The following PGCKA1 variants were observed in gnomAD, a reference collection of about 807,000 sequenced individuals.
PGCKA1 encodes the protein PDCD10 and GCKIII kinases associated 1, also known as PDCD10 and GCKIII kinases-associated protein 1.
chr4:37,469,716 AATCT>A, the PGCKA1 span, among the ~76,000 whole-genome samples: 1 of 152,192 alleles, frequency 6.6e-6, no homozygotes, highest in Non-Finnish European at 1.5e-5. Flanking sequence ...ACCAAGCAAT[AATCT>A]ATCGGACTTA....
chr4:37,576,447 T>A, the PGCKA1 span, among the ~76,000 whole-genome samples: 2 of 152,172 alleles, frequency 1.3e-5, no homozygotes, highest in Non-Finnish European at 2.9e-5. Flanking sequence ...GTGACTTTAC[T>A]TAATTTGCTT....
the PGCKA1 span, among the ~76,000 whole-genome samples, chr4:37,531,002 A>G: frequency 4.7e-5 from 7 of 149,106 alleles, no homozygotes; most frequent in Admixed American, 2.0e-4. Flanking sequence ...AAGAAAAGGG[A>G]AAAAAAAACT....
At chr4:37,490,875 A>G in the PGCKA1 span, among the ~76,000 whole-genome samples, 1 of 152,346 alleles carries the variant, frequency 6.6e-6, no homozygotes, top group East Asian at 1.9e-4. Flanking sequence ...CAATAAACAA[A>G]TGTAGAGTTC....
chr4:37,530,238 T>C, the PGCKA1 span, among the ~76,000 whole-genome samples: 3 of 152,142 alleles, frequency 2.0e-5, no homozygotes, highest in Non-Finnish European at 4.4e-5. Flanking sequence ...TATAAATTTA[T>C]CTTCACTTTT....
the PGCKA1 span, among the ~76,000 whole-genome samples, chr4:37,458,293 C>G: frequency 6.6e-6 from 1 of 152,258 alleles, no homozygotes; most frequent in African/African-American, 2.4e-5. Flanking sequence ...AAAACTCATT[C>G]TATATTAAGT....
the PGCKA1 span, among the ~76,000 whole-genome samples, chr4:37,509,301 G>A: frequency 2.0e-4 from 27 of 133,922 alleles, 6 homozygotes; most frequent in African/African-American, 8.0e-4. Flanking sequence ...CTGCTGGGCG[G>A]AGGGGCTCCT....
the PGCKA1 span, among the ~76,000 whole-genome samples, chr4:37,528,383 G>T: frequency 2.0e-3 from 306 of 152,234 alleles, 1 homozygote; most frequent in South Asian, 0.013. Flanking sequence ...ACCTGCAGCC[G>T]CATCTCACCC....
At chr4:37,484,434 T>A in the PGCKA1 span, among the ~76,000 whole-genome samples, 1 of 152,116 alleles carries the variant, frequency 6.6e-6, no homozygotes, top group African/African-American at 2.4e-5. Context: ...ACGGGGTTCC[T>A]CCCACAACAC....
chr4:37,489,113 G>C, the PGCKA1 span, among the ~76,000 whole-genome samples: 1 of 152,000 alleles, frequency 6.6e-6, no homozygotes, highest in African/African-American at 2.4e-5. Flanking sequence ...AGGAAATGGG[G>C]ATTGCTGTTC....
the PGCKA1 span, among the ~76,000 whole-genome samples, chr4:37,499,071 A>G: frequency 1.3e-5 from 2 of 152,250 alleles, no homozygotes; most frequent in African/African-American, 2.4e-5. Flanking sequence ...TTCAGCATCT[A>G]TTGAGAGGAT....
chr4:37,514,209 T>C, the PGCKA1 span, among the ~76,000 whole-genome samples: 1 of 152,208 alleles, frequency 6.6e-6, no homozygotes, highest in African/African-American at 2.4e-5. Context: ...GTGACCTTTG[T>C]TGTAAAACAG....
the PGCKA1 span, among the ~76,000 whole-genome samples, chr4:37,504,684 G>C: frequency 6.6e-6 from 1 of 152,006 alleles, no homozygotes; most frequent in Admixed American, 6.6e-5. Flanking sequence ...ATGTGTAGCT[G>C]TTGTAAATAG....
At chr4:37,509,847 C>T in the PGCKA1 span, among the ~76,000 whole-genome samples, 1 of 151,602 alleles carries the variant, frequency 6.6e-6, no homozygotes, top group African/African-American at 2.4e-5. Context: ...CCTGCAATCC[C>T]AGGCACTCTG....
chr4:37,541,355 G>A, the PGCKA1 span, among the ~76,000 whole-genome samples: 1 of 152,176 alleles, frequency 6.6e-6, no homozygotes, highest in Non-Finnish European at 1.5e-5. Flanking sequence ...CAGGCTTTCA[G>A]TAAATGCTGG....
chr4:37,502,551 C>G, the PGCKA1 span, among the ~76,000 whole-genome samples: 4 of 152,116 alleles, frequency 2.6e-5, no homozygotes, highest in African/African-American at 9.7e-5. Flanking sequence ...CACCAAGGCT[C>G]TAACTGAAAT....
At chr4:37,463,359 G>A in the PGCKA1 span, among the ~76,000 whole-genome samples, 2 of 152,202 alleles carry the variant, frequency 1.3e-5, no homozygotes, top group Admixed American at 1.3e-4. Flanking sequence ...ATAAAACAGA[G>A]TTAATTGGCT....
chr4:37,552,148 A>G, the PGCKA1 span, among the ~76,000 whole-genome samples: 3 of 152,202 alleles, frequency 2.0e-5, no homozygotes, highest in Non-Finnish European at 4.4e-5. Flanking sequence ...TTAAAAATCA[A>G]CTCATGACTT....
At chr4:37,521,209 C>T in the PGCKA1 span, among the ~76,000 whole-genome samples, 1 of 152,088 alleles carries the variant, frequency 6.6e-6, no homozygotes, top group Non-Finnish European at 1.5e-5. Context: ...CTATAAACGT[C>T]CCTCTTAGTA....
the PGCKA1 span, among the ~76,000 whole-genome samples, chr4:37,532,662 A>G: frequency 6.6e-6 from 1 of 152,230 alleles, no homozygotes. Context: ...TGCCAGAACC[A>G]CAGAGTAAAA....
Sources: allele counts gnomAD v4.1 joint callset (sites outside exome capture counted in the v4.1 genomes callset), GRCh38; gene constraint gnomAD v4.1.1; transcripts MANE v1.5; gene names NCBI Gene and HGNC (gene_info 2026-07-23, HGNC 2026-07-21).